The following GRIK1 variants were observed in gnomAD, a reference collection of about 807,000 sequenced individuals.
The protein encoded by GRIK1 is glutamate ionotropic receptor kainate type subunit 1.
Under a neutral mutation model 105.7 loss-of-function variants are expected in GRIK1, and 69 were observed. That is an observed-to-expected ratio of 0.65 (90% CI 0.54 to 0.80). The LOEUF (loss-of-function observed/expected upper bound fraction) is 0.80, where lower values mean the gene tolerates loss of function less well. GRIK1 is among the 30% of genes least tolerant of loss of function. The pLI, the probability that GRIK1 is intolerant of heterozygous loss-of-function variation, is 0.00. For missense variants in GRIK1, 1,109 were observed against 1,167.3 expected (o/e 0.95, Z 0.73); for synonymous variants, 438 against 431.3 (o/e 1.02, Z -0.19).
intron 1 of GRIK1, among the ~76,000 whole-genome samples, chr21:29,866,093 G>T (rs469032): frequency 0.34 from 50,966 of 151,716 alleles, 9,562 homozygotes; most frequent in African/African-American, 0.51. Context: ...TTAAGATAGG[G>T]TCTCCTTCTG....
At chr21:29,780,277 A>T (rs2066058843) in intron 1 of GRIK1, among the ~76,000 whole-genome samples, 1 of 152,214 alleles carries the variant, frequency 6.6e-6, no homozygotes, top group African/African-American at 2.4e-5. Flanking sequence ...TGTCCATGAG[A>T]TTACAAGGAA....
intron 1 of GRIK1, among the ~76,000 whole-genome samples, chr21:29,902,965 A>G (rs1021435302): frequency 3.9e-5 from 6 of 152,230 alleles, no homozygotes; most frequent in African/African-American, 1.4e-4. Context: ...TGGAGGCCTC[A>G]GAAATAACAC....
intron 1 of GRIK1, among the ~76,000 whole-genome samples, chr21:29,728,930 T>G (rs1299468722): frequency 6.6e-6 from 1 of 152,188 alleles, no homozygotes; most frequent in Non-Finnish European, 1.5e-5. Flanking sequence ...ATAGGAAAAC[T>G]TGATTAGCAT....
intron 1 of GRIK1, among the ~76,000 whole-genome samples, chr21:29,883,149 T>C (rs996355646): frequency 6.6e-6 from 1 of 152,114 alleles, no homozygotes; most frequent in African/African-American, 2.4e-5. Context: ...ATTTGGAAGG[T>C]AACTTAACCC....
intron 1 of GRIK1, among the ~76,000 whole-genome samples, chr21:29,913,460 A>G (rs2070888134): frequency 6.6e-6 from 1 of 152,008 alleles, no homozygotes; most frequent in Non-Finnish European, 1.5e-5. Context: ...AGTATCCACG[A>G]CTTTATGCTG....
At chr21:29,591,356 C>A in intron 9 of GRIK1, 131 bp from the exon 10 acceptor site, 1 of 691,796 alleles carries the variant, frequency 1.4e-6, no homozygotes. Flanking sequence ...ACAGTGGAAG[C>A]TACTAAACGT....
At chr21:29,689,579 C>A in intron 3 of GRIK1, 149 bp downstream of exon 3, 1 of 694,970 alleles carries the variant, frequency 1.4e-6, no homozygotes, top group Non-Finnish European at 2.6e-6. Flanking sequence ...TATACACATG[C>A]ATTATTAAAT....
intron 1 of GRIK1, among the ~76,000 whole-genome samples, chr21:29,712,128 A>AT (rs932343865): frequency 1.3e-5 from 2 of 151,658 alleles, no homozygotes; most frequent in African/African-American, 4.9e-5. Flanking sequence ...ACACACATAT[A>AT]TATAGGTCCT....
chr21:29,648,933 C>T (rs536578280), intron 6 of GRIK1, among the ~76,000 whole-genome samples: 1 of 152,188 alleles, frequency 6.6e-6, no homozygotes, highest in South Asian at 2.1e-4. Flanking sequence ...AACCAAAGGA[C>T]TTTTTATCTT....
intron 7 of GRIK1, among the ~76,000 whole-genome samples, chr21:29,637,668 C>T (rs537196560): frequency 2.9e-4 from 44 of 152,294 alleles, no homozygotes; most frequent in Middle Eastern, 3.4e-3. Context: ...CACCAGACAA[C>T]GGATTCTGCT....
chr21:29,574,734 C>G (rs887212383), intron 14 of GRIK1, among the ~76,000 whole-genome samples: 18 of 136,254 alleles, frequency 1.3e-4, no homozygotes, highest in African/African-American at 4.8e-4. Context: ...GTGGCCCAGG[C>G]GGGAGTGCAG....
At chr21:29,764,546 A>T (rs1170217483) in intron 1 of GRIK1, among the ~76,000 whole-genome samples, 1 of 152,202 alleles carries the variant, frequency 6.6e-6, no homozygotes, top group East Asian at 1.9e-4. Context: ...CAAAGGAAAC[A>T]CCACTAACAA....
chr21:29,829,074 A>G (rs2067555786), intron 1 of GRIK1, among the ~76,000 whole-genome samples: 1 of 152,084 alleles, frequency 6.6e-6, no homozygotes, highest in South Asian at 2.1e-4. Context: ...CGCCTTTCCA[A>G]TGTAGCTTAA....
intron 1 of GRIK1, among the ~76,000 whole-genome samples, chr21:29,766,276 T>C (rs1052967735): frequency 2.0e-5 from 3 of 152,168 alleles, no homozygotes; most frequent in African/African-American, 7.2e-5. Flanking sequence ...TCACAGACGA[T>C]TTTATTGTCT....
chr21:29,738,121 G>A lies in GRIK1; in HGVS notation c.119-44058C>T, dbSNP rs1376994634. On this transcript the variant is annotated intron_variant, in intron 1 of 17. Coordinates refer to ENST00000327783, the MANE Select transcript of GRIK1 (RefSeq NM_001330994.2). ...TCAGGAGGCAGCACAGAACTGAATG[G>A]AAGTGCGTTGCACTGGGCAGACAGA... is the stretch of plus-strand genomic sequence containing the variant. Among the ~76,000 whole-genome samples the A allele has an allele frequency of 2.6e-4, 40 of 152,378 alleles. 1 individual carries two copies. The highest frequency in any genetic ancestry group is 8.8e-5 in the Non-Finnish European group (6 of 68,042).
intron 1 of GRIK1, among the ~76,000 whole-genome samples, chr21:29,804,031 A>C (rs1238624115): frequency 2.0e-5 from 3 of 152,134 alleles, no homozygotes; most frequent in African/African-American, 7.2e-5. Flanking sequence ...TGATACACTA[A>C]GGCAAAGGGT....
rs894033514 is a variant in GRIK1, at chr21:29,559,757, T to C, written c.2356+1867A>G. On this transcript the variant is annotated intron_variant, in intron 15 of 17. Transcript: ENST00000327783. ...TATATAAAATGCAGCTTTTTCTTTT[T>C]TAATGAATTTGTTGCTAAATAAAAA... is the stretch of plus-strand genomic sequence containing the variant. Among the ~76,000 whole-genome samples, 3 of 152,246 alleles carry C rather than the reference T, an allele frequency of 2.0e-5. No homozygotes were observed. In the East Asian group the frequency reaches 5.8e-4, roughly 29 times the overall value.
At chr21:29,867,921 AG>A (rs1452059009) in intron 1 of GRIK1, among the ~76,000 whole-genome samples, 5 of 137,388 alleles carry the variant, frequency 3.6e-5, no homozygotes, top group African/African-American at 1.5e-4. Context: ...AGAGAGAAAG[AG>A]AGAAAGAGAG....
chr21:29,706,287 C>T (rs982473052), intron 1 of GRIK1, among the ~76,000 whole-genome samples: 8 of 152,106 alleles, frequency 5.3e-5, no homozygotes, highest in Non-Finnish European at 1.2e-4. Context: ...TTTTCATTTA[C>T]TGATTTAAAT....
Sources: allele counts gnomAD v4.1 joint callset (sites outside exome capture counted in the v4.1 genomes callset), GRCh38; gene constraint gnomAD v4.1.1; transcripts MANE v1.5; gene names NCBI Gene and HGNC (gene_info 2026-07-23, HGNC 2026-07-21).